PAX5: variants seen among roughly 807,000 people sequenced by gnomAD.
The protein encoded by PAX5 is paired box protein Pax-5.
A neutral mutation model predicts 43.7 loss-of-function variants in PAX5; 9 were observed. The observed-to-expected ratio is 0.21, with a 90% CI of 0.12 to 0.36. The LOEUF (loss-of-function observed/expected upper bound fraction) is 0.36, where lower values mean the gene tolerates loss of function less well. Among genes scored for constraint, PAX5 ranks in the 10% least tolerant of loss-of-function variants. PAX5 has a pLI of 1.00. For synonymous variants in PAX5, 228 were observed against 214.3 expected (o/e 1.06, Z -0.56); for missense variants, 383 against 532.7 (o/e 0.72, Z 2.77).
At position 36,923,282 on chromosome 9, in the gene PAX5, C is replaced by G; in HGVS notation, c.910+73G>C. 3.3e-6 allele frequency: 5 copies of G among 1,533,026 alleles called. No homozygotes were observed. The South Asian group carries it at 3.7e-5, about 11-fold the overall frequency. 95.0% of individuals were successfully genotyped at this position (1,533,026 alleles called of 1,614,324 possible). A position where few individuals can be genotyped will look rare whatever the true frequency, so the allele number is the denominator to read the frequency against. On this transcript the variant is annotated intron_variant, in intron 7 of 9. Transcript: ENST00000358127. ...AATCACATCCAAACACACCAAGAAG[C>G]CACTCTTCCCACCACACACTCCTAT...
At chr9:37,012,800 T>C (rs1454714927) in intron 3 of PAX5, among the ~76,000 whole-genome samples, 1 of 152,260 alleles carries the variant, frequency 6.6e-6, no homozygotes, top group African/African-American at 2.4e-5. Flanking sequence ...GTGTGTTACT[T>C]ACGTTTTTCT....
chr9:37,026,564 G>C (rs1280807315), intron 1 of PAX5: 2 of 1,340,298 alleles, frequency 1.5e-6, no homozygotes, highest in Admixed American at 2.2e-5. Context: ...CGTGCTTACA[G>C]TGTATTTCCA....
rs779911559 is a variant in PAX5 at position 36,882,105 on chromosome 9, C to T, written c.911G>A (p.Gly304Asp). The T allele has an allele frequency of 5.7e-6, 9 of 1,581,534 alleles. No individual in the cohort carries two copies. Among genetic ancestry groups the T allele is most frequent in the Non-Finnish European group, 7.8e-6 (9 of 1,159,936 alleles). The change falls in exon 8 of 10, where the codon GGC becomes GAC. Residue 304 changes from glycine to aspartate, a missense_variant and splice_region_variant. Physicochemically the swap from Gly to Asp is moderately conservative, Grantham distance 94 (BLOSUM62 -1). This residue lies in a region of PAX5 where 291 missense variants were observed against 342.5 expected (regional missense o/e 0.85). Coordinates refer to ENST00000358127, the MANE Select transcript of PAX5 (RefSeq NM_016734.3). This position sits in a 1 kb window ranked among gnomAD's most constrained non-coding sequence, Gnocchi z 4.4. ...GAGGGTCGTGCTCGCCAAGTCACGG[C>T]CTGAGGAATCAAAGCAACAAATCAC... Reference protein sequence around the residue: ...PGPQSYPIVTGRDLASTTLPG... With the variant: ...PGPQSYPIVTDRDLASTTLPG...
intron 8 of PAX5, among the ~76,000 whole-genome samples, chr9:36,861,991 C>T (rs1474848481): frequency 6.6e-6 from 1 of 152,048 alleles, no homozygotes; most frequent in Non-Finnish European, 1.5e-5. Context: ...CCTAATGCCA[C>T]AAGACTGGGA....
chr9:36,878,161 A>G (rs1361847572), intron 8 of PAX5, among the ~76,000 whole-genome samples: 1 of 152,220 alleles, frequency 6.6e-6, no homozygotes, highest in Non-Finnish European at 1.5e-5. Flanking sequence ...CTCCAGAACT[A>G]TAAGAGAACA....
At chr9:36,903,278 C>A (rs1828553554) in intron 7 of PAX5, among the ~76,000 whole-genome samples, 1 of 152,190 alleles carries the variant, frequency 6.6e-6, no homozygotes, top group African/African-American at 2.4e-5. Flanking sequence ...ATATGTGGTC[C>A]CGGCTACTCA....
intron 5 of PAX5, among the ~76,000 whole-genome samples, chr9:36,983,546 T>C (rs1435041343): frequency 1.3e-5 from 2 of 152,254 alleles, no homozygotes; most frequent in Non-Finnish European, 2.9e-5. Context: ...TTCCTCTAAA[T>C]TTCATTTTAG....
chr9:36,879,292 G>A (rs941902893), intron 8 of PAX5, among the ~76,000 whole-genome samples: 3 of 152,236 alleles, frequency 2.0e-5, no homozygotes, highest in Non-Finnish European at 4.4e-5. Flanking sequence ...AATTAGGGCT[G>A]GAGGAATCCT....
intron 5 of PAX5, among the ~76,000 whole-genome samples, chr9:36,993,383 G>T (rs1167412386): frequency 6.6e-6 from 1 of 152,134 alleles, no homozygotes; most frequent in Non-Finnish European, 1.5e-5. Context: ...TAATTTTTAA[G>T]AGTTTAAAGG....
At chr9:36,847,390 G>T (rs544158282) in intron 8 of PAX5, among the ~76,000 whole-genome samples, 2 of 152,338 alleles carry the variant, frequency 1.3e-5, no homozygotes, top group South Asian at 4.1e-4. Context: ...ACCTGCTGAT[G>T]AGTGGCTCTG....
intron 7 of PAX5, among the ~76,000 whole-genome samples, chr9:36,895,895 A>G (rs147956303): frequency 6.6e-6 from 1 of 152,310 alleles, no homozygotes; most frequent in African/African-American, 2.4e-5. Flanking sequence ...GGATCTTTGA[A>G]GCTAAGGGGT....
At chr9:36,968,651 C>T (rs990715896) in intron 5 of PAX5, among the ~76,000 whole-genome samples, 4 of 152,184 alleles carry the variant, frequency 2.6e-5, no homozygotes, top group South Asian at 2.1e-4. Context: ...CTCTGACCAA[C>T]GTTCCCCAGC....
intron 6 of PAX5, among the ~76,000 whole-genome samples, chr9:36,953,931 G>A (rs565429402): frequency 5.3e-5 from 8 of 152,246 alleles, no homozygotes; most frequent in African/African-American, 1.9e-4. Context: ...AAATTAGCCA[G>A]GCGTGGTGGT....
chr9:37,004,359 T>A (rs2132410999), intron 4 of PAX5, among the ~76,000 whole-genome samples: 1 of 152,322 alleles, frequency 6.6e-6, no homozygotes, highest in East Asian at 1.9e-4. Flanking sequence ...CTTTTTTGAT[T>A]CATTAAAACC....
chr9:36,865,020 T>C (rs1208364231), intron 8 of PAX5, among the ~76,000 whole-genome samples: 1 of 152,226 alleles, frequency 6.6e-6, no homozygotes, highest in Non-Finnish European at 1.5e-5. Context: ...GGAACAATGC[T>C]TGACTGATCT....
At chr9:36,926,015 G>A (rs1000181358) in intron 6 of PAX5, among the ~76,000 whole-genome samples, 2 of 152,198 alleles carry the variant, frequency 1.3e-5, no homozygotes, top group African/African-American at 4.8e-5. Context: ...TGTACCAGGA[G>A]CTTTAGCTGT....
intron 7 of PAX5, among the ~76,000 whole-genome samples, chr9:36,909,929 C>T (rs1007499215): frequency 1.4e-5 from 2 of 146,794 alleles, no homozygotes; most frequent in African/African-American, 5.1e-5. Flanking sequence ...TCAGGTGATC[C>T]TCCTGCCCCA....
At chr9:37,003,305 C>T (rs139912712) in intron 4 of PAX5, among the ~76,000 whole-genome samples, 1 of 152,050 alleles carries the variant, frequency 6.6e-6, no homozygotes, top group Non-Finnish European at 1.5e-5. Flanking sequence ...GCAGAGTGCC[C>T]CTTCTTTTTA....
chr9:36,895,000 C>A (rs1232887963), intron 7 of PAX5, among the ~76,000 whole-genome samples: 2 of 152,246 alleles, frequency 1.3e-5, no homozygotes, highest in African/African-American at 4.8e-5. Flanking sequence ...CCCAACAGTC[C>A]TTCTCTGATG....
Sources: allele counts gnomAD v4.1 joint callset (sites outside exome capture counted in the v4.1 genomes callset), GRCh38; gene constraint gnomAD v4.1.1; regional missense constraint gnomAD v4.1.1; non-coding constraint Gnocchi (gnomAD v3.1); transcripts MANE v1.5; gene names NCBI Gene and HGNC (gene_info 2026-07-23, HGNC 2026-07-21).